KCNH5: variants seen among roughly 807,000 people sequenced by gnomAD.
KCNH5 encodes the protein voltage-gated delayed rectifier potassium channel KCNH5.
A neutral mutation model predicts 96.1 loss-of-function variants in KCNH5; 46 were observed. That is an observed-to-expected ratio of 0.48 (90% confidence interval 0.38 to 0.61). The LOEUF (loss-of-function observed/expected upper bound fraction) is 0.61. Among genes scored for constraint, KCNH5 ranks in the 20% least tolerant of loss-of-function variants. The probability of loss-of-function intolerance (pLI) is 0.00; values close to 1 mark genes in which losing one functional copy is unlikely to be tolerated. For synonymous variants in KCNH5, 439 were observed against 449.8 expected, an observed-to-expected ratio of 0.98 and a Z score of 0.30; for missense variants, 907 against 1,225.8, an observed-to-expected ratio of 0.74 and a Z score of 3.88.
In KCNH5 at chr14:62,802,457, T is replaced by C. The variant is rs781050144; in HGVS notation, c.1694A>G (p.Glu565Gly). The change falls in exon 9 of 11, where the codon GAG becomes GGG. Residue 565 changes from glutamate to glycine, a missense_variant. By Grantham distance (98) the Glu-to-Gly change is moderately conservative. Around this residue, in one of 6 missense-constraint regions of KCNH5, gnomAD observed 20 missense variants for 57.9 expected, o/e 0.35. Coordinates refer to ENST00000322893, the MANE Select transcript of KCNH5 (RefSeq NM_139318.5). Reference protein sequence around the residue: ...SDGCLRALAVEFQTIHCAPGD... With the variant: ...SDGCLRALAVGFQTIHCAPGD... The stretch of plus-strand genomic sequence containing the variant: ...GGGAGCACAGTGAATGGTTTGGAAC[T>C]CTACCGCCAAGGCGCGCAGACACCC... 11 of 1,614,024 alleles carry C rather than the reference T, an allele frequency of 6.8e-6. No individual in the cohort carries two copies. In the African/African-American group the frequency reaches 1.2e-4, roughly 18 times the overall value.
At chr14:62,984,946 G>A (rs182637591) in intron 5 of KCNH5, among the ~76,000 whole-genome samples, 7 of 152,218 alleles carry the variant, frequency 4.6e-5, no homozygotes, top group Non-Finnish European at 1.0e-4. Context: ...GCTCTGTTGT[G>A]TAACAGACAA....
chr14:62,922,816 T>C (rs530389271), intron 7 of KCNH5, among the ~76,000 whole-genome samples: 6 of 152,082 alleles, frequency 3.9e-5, no homozygotes, highest in East Asian at 1.9e-4. Context: ...AGGCTATATA[T>C]GGCAAGCCCA....
chr14:62,931,869 G>C (rs747674979), intron 7 of KCNH5, among the ~76,000 whole-genome samples: 2 of 152,162 alleles, frequency 1.3e-5, no homozygotes, highest in Non-Finnish European at 2.9e-5. Context: ...AGAGCAGAAA[G>C]TAGGGGTTTC....
chr14:62,947,463 A>T (rs996716975), intron 7 of KCNH5, among the ~76,000 whole-genome samples: 2 of 152,096 alleles, frequency 1.3e-5, no homozygotes, highest in African/African-American at 4.8e-5. Flanking sequence ...GCAAGCTCTA[A>T]CCAGCAAATA....
chr14:62,833,829 C>A (rs1887410766), intron 8 of KCNH5, among the ~76,000 whole-genome samples: 1 of 151,958 alleles, frequency 6.6e-6, no homozygotes, highest in Non-Finnish European at 1.5e-5. Flanking sequence ...TATATAAAAT[C>A]TCCACGTATG....
intron 7 of KCNH5, among the ~76,000 whole-genome samples, chr14:62,870,004 T>G (rs115597011): frequency 1.3e-5 from 2 of 152,338 alleles, no homozygotes; most frequent in African/African-American, 4.8e-5. Flanking sequence ...AAACCATGAT[T>G]ACTTTTGCAC....
At chr14:62,856,124 G>C (rs1389220539) in intron 7 of KCNH5, among the ~76,000 whole-genome samples, 1 of 152,110 alleles carries the variant, frequency 6.6e-6, no homozygotes, top group Non-Finnish European at 1.5e-5. Flanking sequence ...AATTTGTAGA[G>C]TCAAAGAAAA....
chr14:62,877,440 A>T (rs1391612828), intron 7 of KCNH5, among the ~76,000 whole-genome samples: 1 of 152,184 alleles, frequency 6.6e-6, no homozygotes, highest in Non-Finnish European at 1.5e-5. Context: ...TTCGCAACCT[A>T]CTCATGTGAC....
chr14:63,008,915 G>A (rs1279796350), intron 2 of KCNH5, among the ~76,000 whole-genome samples: 1 of 152,100 alleles, frequency 6.6e-6, no homozygotes, highest in East Asian at 1.9e-4. Flanking sequence ...TTATAGACAA[G>A]TGAAATTTTT....
chr14:62,909,244 A>C (rs933057779), intron 7 of KCNH5, among the ~76,000 whole-genome samples: 48 of 150,602 alleles, frequency 3.2e-4, no homozygotes, highest in Admixed American at 1.7e-3. Flanking sequence ...ACGGGGTTTC[A>C]CCGTTTTAGC....
At chr14:62,899,703 G>A (rs1181210730) in intron 7 of KCNH5, among the ~76,000 whole-genome samples, 5 of 150,636 alleles carry the variant, frequency 3.3e-5, no homozygotes, top group African/African-American at 9.7e-5. Context: ...GCGTAGTGGC[G>A]GGCGCCTGTA....
At chr14:62,895,693 G>C (rs935216666) in intron 7 of KCNH5, among the ~76,000 whole-genome samples, 1 of 152,112 alleles carries the variant, frequency 6.6e-6, no homozygotes, top group Non-Finnish European at 1.5e-5. Flanking sequence ...TATAGTTATA[G>C]CCTTCTCAGT....
At chr14:62,807,226 T>G (rs1351525308) in intron 8 of KCNH5, among the ~76,000 whole-genome samples, 1 of 151,984 alleles carries the variant, frequency 6.6e-6, no homozygotes, top group Non-Finnish European at 1.5e-5. Context: ...AAACAAAAAA[T>G]AAAAAACATG....
rs767518642 is a variant in KCNH5, at chr14:62,849,666, A to G, written c.1556T>C (p.Ile519Thr). ...IVSTWSMSKG[I>T]DTEKVLSICP... ...AATAACCCATACCTTTTCTGTATCA[A>G]TGCCTTTTGACATGGACCATGTTGA... The change falls in exon 8 of 11, where the codon ATT becomes ACT. Residue 519 changes from isoleucine to threonine, a missense_variant. By Grantham distance (89) the Ile-to-Thr change is moderately conservative. This residue lies in a region of KCNH5 where 95 missense variants were observed against 111.8 expected (regional missense o/e 0.85). Transcript: ENST00000322893. The G allele has an allele frequency of 3.1e-6, 5 of 1,613,404 alleles. No individual in the cohort carries two copies. Among genetic ancestry groups the G allele is most frequent in the South Asian group, 2.2e-5 (2 of 91,070 alleles).
chr14:62,812,532 C>T (rs1886893340), intron 8 of KCNH5, among the ~76,000 whole-genome samples: 1 of 152,116 alleles, frequency 6.6e-6, no homozygotes, highest in Admixed American at 6.6e-5. Context: ...GGTCCCTTCC[C>T]TCTATCACTT....
At chr14:63,001,562 G>A in intron 3 of KCNH5, 103 bp from the exon 4 acceptor site, 1 of 1,095,334 alleles carries the variant, frequency 9.1e-7, no homozygotes, top group Non-Finnish European at 1.3e-6. Flanking sequence ...CAACAGCTGT[G>A]CCAGGAATCA....
At chr14:62,981,313 G>T in intron 5 of KCNH5, 49 bp from the exon 6 acceptor site, 1 of 1,551,540 alleles carries the variant, frequency 6.4e-7, no homozygotes, top group African/African-American at 1.4e-5. Context: ...TCTCTGCACA[G>T]TCAGTGATGA....
chr14:62,886,017 T>C (rs1888588446), intron 7 of KCNH5, among the ~76,000 whole-genome samples: 1 of 152,188 alleles, frequency 6.6e-6, no homozygotes, highest in African/African-American at 2.4e-5. Context: ...CTTTACATTC[T>C]GTGTTGCCAA....
At chr14:62,804,441 T>C (rs530996708) in intron 8 of KCNH5, among the ~76,000 whole-genome samples, 3 of 152,316 alleles carry the variant, frequency 2.0e-5, no homozygotes, top group African/African-American at 7.2e-5. Context: ...CACATCACTG[T>C]GCTAAATCCT....
Sources: allele counts gnomAD v4.1 joint callset (sites outside exome capture counted in the v4.1 genomes callset), GRCh38; gene constraint gnomAD v4.1.1; regional missense constraint gnomAD v4.1.1; transcripts MANE v1.5; gene names NCBI Gene and HGNC (gene_info 2026-07-23, HGNC 2026-07-21).